The following GPR39 variants were observed in gnomAD, a reference collection of about 807,000 sequenced individuals.
GPR39 encodes the protein G protein-coupled receptor 39.
A neutral mutation model predicts 18.4 loss-of-function variants in GPR39; 23 were observed. The ratio of observed to expected loss-of-function variants is 1.25; its 90% CI spans 0.90 to 1.77. GPR39 has a LOEUF of 1.77. Among genes scored for constraint, GPR39 ranks in the 40% most tolerant of loss-of-function variants. The pLI is 0.00. For synonymous variants in GPR39, 280 were observed against 257.9 expected, an observed-to-expected ratio of 1.09 and a Z score of -0.82; for missense variants, 647 against 602.4, an observed-to-expected ratio of 1.07 and a Z score of -0.78.
chr2:132,529,005 T>A (rs1573648296), intron 1 of GPR39, among the ~76,000 whole-genome samples: 1 of 151,648 alleles, frequency 6.6e-6, no homozygotes, highest in Non-Finnish European at 1.5e-5. Flanking sequence ...CACTGGGGAG[T>A]GCCAGACAGT....
chr2:132,518,076 A>T (rs1487434076), intron 1 of GPR39, among the ~76,000 whole-genome samples: 1 of 152,242 alleles, frequency 6.6e-6, no homozygotes, highest in East Asian at 1.9e-4. Context: ...GAGTCATAAT[A>T]ATAAGGCTTT....
intron 1 of GPR39, among the ~76,000 whole-genome samples, chr2:132,503,247 T>C (rs1036902130): frequency 6.6e-6 from 1 of 152,220 alleles, no homozygotes; most frequent in African/African-American, 2.4e-5. Context: ...TCAGATTCTT[T>C]TGTCCCAAGG....
intron 1 of GPR39, among the ~76,000 whole-genome samples, chr2:132,592,858 A>T (rs1334980363): frequency 6.6e-6 from 1 of 152,140 alleles, no homozygotes; most frequent in Non-Finnish European, 1.5e-5. Context: ...GACCCTACAG[A>T]TGAAGGAGTT....
chr2:132,553,912 A>G (rs10460243), intron 1 of GPR39, among the ~76,000 whole-genome samples: 79,629 of 151,878 alleles, frequency 0.52, 21,651 homozygotes, highest in East Asian at 0.9. Flanking sequence ...TGGCAGTGCA[A>G]TACATTGGCC....
chr2:132,632,344 T>C (rs1241770974), intron 1 of GPR39, among the ~76,000 whole-genome samples: 3 of 152,200 alleles, frequency 2.0e-5, no homozygotes, highest in Admixed American at 2.0e-4. Flanking sequence ...AAAAGGCCCT[T>C]CCTTGTCACA....
chr2:132,534,762 T>C (rs1040830486), intron 1 of GPR39, among the ~76,000 whole-genome samples: 1 of 151,916 alleles, frequency 6.6e-6, no homozygotes, highest in Non-Finnish European at 1.5e-5. Flanking sequence ...CACCACATTT[T>C]CTCACTCATA....
At chr2:132,497,968 A>G (rs553415533) in intron 1 of GPR39, among the ~76,000 whole-genome samples, 1 of 152,304 alleles carries the variant, frequency 6.6e-6, no homozygotes, top group African/African-American at 2.4e-5. Flanking sequence ...AAAGGCTCCA[A>G]TCTGCATTTA....
chr2:132,484,112 A>G (rs1681285982), intron 1 of GPR39, among the ~76,000 whole-genome samples: 1 of 152,140 alleles, frequency 6.6e-6, no homozygotes, highest in Non-Finnish European at 1.5e-5. Context: ...TCTAAAGCTA[A>G]GTCTACTTTT....
At chr2:132,487,892 A>G (rs1268107822) in intron 1 of GPR39, among the ~76,000 whole-genome samples, 1 of 152,224 alleles carries the variant, frequency 6.6e-6, no homozygotes, top group Non-Finnish European at 1.5e-5. Flanking sequence ...ACTTATCTAA[A>G]ACTAATGAAA....
intron 1 of GPR39, among the ~76,000 whole-genome samples, chr2:132,630,296 C>T (rs571553761): frequency 1.3e-5 from 2 of 152,084 alleles, no homozygotes; most frequent in African/African-American, 2.4e-5. Flanking sequence ...GACACTTCTT[C>T]CAGGAAGAAG....
chr2:132,486,871 A>G lies in GPR39; in HGVS notation c.856+68973A>G, dbSNP rs78080472. On this transcript the variant is annotated intron_variant, in intron 1 of 1. Transcript: ENST00000329321. ...TCAAGAACGTTTCCTTTGCATTCAC[A>G]GCTTGGCTAACTTTTTAGTGCAAAG... Among the ~76,000 whole-genome samples, 691 of 152,340 alleles carry G rather than the reference A, an allele frequency of 4.5e-3. 6 individuals are homozygous for G. Among genetic ancestry groups the G allele is most frequent in the African/African-American group, 0.015 (641 of 41,580 alleles).
chr2:132,455,896 C>A (rs1035231885), intron 1 of GPR39, among the ~76,000 whole-genome samples: 1 of 152,112 alleles, frequency 6.6e-6, no homozygotes, highest in African/African-American at 2.4e-5. Flanking sequence ...GCTTTACTTA[C>A]AATTATGTTG....
At chr2:132,426,934 C>T (rs899866814) in intron 1 of GPR39, among the ~76,000 whole-genome samples, 8 of 151,842 alleles carry the variant, frequency 5.3e-5, no homozygotes, top group East Asian at 1.9e-4. Flanking sequence ...GGAGTGATGA[C>T]GCTCATTAAA....
intron 1 of GPR39, among the ~76,000 whole-genome samples, chr2:132,603,283 C>T (rs1461507736): frequency 6.6e-6 from 1 of 152,108 alleles, no homozygotes; most frequent in East Asian, 1.9e-4. Context: ...GCACAGAAAA[C>T]CAAGTACCAC....
chr2:132,628,650 C>A (rs945680680), intron 1 of GPR39, among the ~76,000 whole-genome samples: 1 of 152,188 alleles, frequency 6.6e-6, no homozygotes, highest in Non-Finnish European at 1.5e-5. Flanking sequence ...AGTACCATTA[C>A]CCTAGAAAAC....
rs113311768 is a variant in GPR39 at position 132,505,601 on chromosome 2, A to C, written c.856+87703A>C. ...TGGTATCTATCATTCTACTCTCTAC[A>C]TTCATAGGATTCACCTTGATAGCTC... On this transcript the variant is annotated intron_variant, in intron 1 of 1. Coordinates refer to ENST00000329321, the MANE Select transcript of GPR39 (RefSeq NM_001508.3). Among the ~76,000 whole-genome samples the C allele has an allele frequency of 5.3e-3, 806 of 152,186 alleles. 11 individuals are homozygous for C. The highest frequency in any genetic ancestry group is 0.018 in the African/African-American group (762 of 41,510).
At position 132,587,608 on chromosome 2, in the gene GPR39, T is replaced by A. The variant is rs181183184; in HGVS notation, c.857-57493T>A. 1.9e-3 allele frequency among the ~76,000 whole-genome samples: 292 copies of A among 152,300 alleles called. 1 individual carries two copies. The highest frequency in any genetic ancestry group is 3.4e-3 in the Middle Eastern group (1 of 294). On this transcript the variant is annotated intron_variant, in intron 1 of 1. Coordinates refer to ENST00000329321, the MANE Select transcript of GPR39 (RefSeq NM_001508.3). ...ATGCGGTAGTGCGATCTCAGCTCAC[T>A]GCAACCTCTGCCTCCTGGGTTTTTA...
chr2:132,585,927 G>A (rs147925587), intron 1 of GPR39, among the ~76,000 whole-genome samples: 3 of 143,924 alleles, frequency 2.1e-5, no homozygotes, highest in East Asian at 4.3e-4. Context: ...CCCAGTGATC[G>A]GGCTTCTCGA....
chr2:132,540,392 T>C (rs1234861041), intron 1 of GPR39, among the ~76,000 whole-genome samples: 2 of 152,020 alleles, frequency 1.3e-5, no homozygotes, highest in African/African-American at 4.8e-5. Context: ...CTTAGCCATC[T>C]CCATCTCACA....
Sources: gnomAD v4.1 joint callset for allele counts (sites outside exome capture counted in the v4.1 genomes callset) on GRCh38, gnomAD v4.1.1 for gene constraint, MANE v1.5 for transcripts, NCBI Gene and HGNC (gene_info 2026-07-23, HGNC 2026-07-21) for gene names.